The following GRID2 variants were observed in gnomAD, a reference collection of about 807,000 sequenced individuals.
GRID2 encodes glutamate receptor ionotropic, delta-2.
GRID2 carries 33 observed loss-of-function variants against 114.8 expected under a neutral mutation model. The ratio of observed to expected loss-of-function variants is 0.29; its 90% confidence interval spans 0.22 to 0.38. GRID2 has a LOEUF of 0.38. Among genes scored for constraint, GRID2 ranks in the 10% least tolerant of loss-of-function variants. The probability of loss-of-function intolerance (pLI) is 1.00; values close to 1 mark genes in which losing one functional copy is unlikely to be tolerated. For synonymous variants in GRID2, 505 were observed against 449.9 expected, an observed-to-expected ratio of 1.12 and a Z score of -1.55; for missense variants, 1,184 against 1,257.7, an observed-to-expected ratio of 0.94 and a Z score of 0.89.
chr4:92,864,194 A>AC (rs1182539050), intron 2 of GRID2, among the ~76,000 whole-genome samples: 2 of 152,346 alleles, frequency 1.3e-5, no homozygotes, highest in Non-Finnish European at 2.9e-5. Context: ...AACAAGATCA[A>AC]CACATTGAAG....
chr4:92,411,645 G>GTATATATA (rs1390740726), intron 1 of GRID2, among the ~76,000 whole-genome samples: 2 of 92,854 alleles, frequency 2.2e-5, no homozygotes, highest in Non-Finnish European at 4.4e-5. Context: ...GTGTGTGTGT[G>GTATATATA]TGTGTGTGTG....
intron 8 of GRID2, among the ~76,000 whole-genome samples, chr4:93,290,577 C>T (rs1459767404): frequency 6.6e-6 from 1 of 152,010 alleles, no homozygotes; most frequent in Non-Finnish European, 1.5e-5. Context: ...TCTATGCATG[C>T]ATTTTTATAT....
intron 1 of GRID2, among the ~76,000 whole-genome samples, chr4:92,466,364 A>G (rs954645602): frequency 2.0e-5 from 3 of 151,734 alleles, no homozygotes; most frequent in Non-Finnish European, 3.0e-5. Context: ...CTTTTTCTAT[A>G]TTTAGTCTGT....
At chr4:93,196,736 G>T (rs1388642132) in intron 4 of GRID2, among the ~76,000 whole-genome samples, 1 of 152,086 alleles carries the variant, frequency 6.6e-6, no homozygotes, top group Non-Finnish European at 1.5e-5. Context: ...TGCTTTATTG[G>T]CACAGTATCT....
chr4:92,703,426 A>G (rs879647602), intron 2 of GRID2, among the ~76,000 whole-genome samples: 29 of 152,046 alleles, frequency 1.9e-4, no homozygotes, highest in Admixed American at 4.6e-4. Context: ...AGGGCTTTAG[A>G]GAAGGTTCAG....
intron 1 of GRID2, among the ~76,000 whole-genome samples, chr4:92,401,782 T>C (rs1235287363): frequency 6.6e-6 from 1 of 152,110 alleles, no homozygotes; most frequent in East Asian, 1.9e-4. Context: ...TTGAACAGAG[T>C]AGTGGTTGCT....
At chr4:93,074,532 G>A (rs1438182127) in intron 2 of GRID2, among the ~76,000 whole-genome samples, 1 of 152,102 alleles carries the variant, frequency 6.6e-6, no homozygotes, top group African/African-American at 2.4e-5. Flanking sequence ...AGGACTAAAT[G>A]TCTATTTTAG....
intron 2 of GRID2, among the ~76,000 whole-genome samples, chr4:92,637,050 A>T (rs541982396): frequency 1.1e-4 from 17 of 151,996 alleles, no homozygotes; most frequent in Admixed American, 9.2e-4. Flanking sequence ...TTCAAATTTC[A>T]GGTAAATTTA....
chr4:93,216,794 GATTATTCGGCAGAC>G lies in GRID2; in HGVS notation c.850_863del (p.Ile284SerfsTer23). Reference sequence around the variant, plus strand: ...TAAGAAGGTCAATTGGAAGGTTAACGATTATTCGGCAGACATTTCCAGTTCCCCAGAACATAAGT... The same window carrying G: ...TAAGAAGGTCAATTGGAAGGTTAACGATTTCCAGTTCCCCAGAACATAAGT... On this transcript the variant is annotated frameshift_variant, in exon 6 of 16. Transcript: ENST00000282020. LOFTEE classifies it high-confidence loss of function. 6.2e-7 allele frequency: 1 copy of G among 1,612,458 alleles called. No individual in the cohort carries two copies. The highest frequency in any genetic ancestry group is 8.5e-7 in the Non-Finnish European group (1 of 1,178,576).
intron 2 of GRID2, among the ~76,000 whole-genome samples, chr4:93,021,403 T>A (rs935361828): frequency 4.7e-5 from 7 of 149,930 alleles, no homozygotes; most frequent in African/African-American, 1.5e-4. Context: ...GTTAATAGAG[T>A]TATTTAACAT....
At chr4:93,011,331 TG>T (rs200630729) in intron 2 of GRID2, among the ~76,000 whole-genome samples, 2,145 of 152,026 alleles carry the variant, frequency 0.014, 22 homozygotes, top group East Asian at 0.052. Context: ...ACTCATCTTT[TG>T]GGGGTTTTAG....
chr4:93,775,129 G>T (rs1254980349), downstream of GRID2, among the ~76,000 whole-genome samples: 4 of 121,950 alleles, frequency 3.3e-5, no homozygotes, highest in Admixed American at 1.0e-4. Context: ...AATGTATTTT[G>T]AAAACATAAT....
intron 4 of GRID2, among the ~76,000 whole-genome samples, chr4:93,121,690 T>C (rs1465591383): frequency 6.6e-6 from 1 of 152,140 alleles, no homozygotes; most frequent in African/African-American, 2.4e-5. Flanking sequence ...GCATAAGGCA[T>C]GTTACATATT....
At chr4:92,763,541 A>C (rs1222681457) in intron 2 of GRID2, among the ~76,000 whole-genome samples, 2 of 152,238 alleles carry the variant, frequency 1.3e-5, no homozygotes, top group South Asian at 2.1e-4. Context: ...AAGTAATCTA[A>C]AGATGATTTA....
intron 4 of GRID2, among the ~76,000 whole-genome samples, chr4:93,173,673 A>AG (rs1397749743): frequency 1.3e-5 from 2 of 152,134 alleles, no homozygotes; most frequent in African/African-American, 4.8e-5. Flanking sequence ...TCTGTTGCCC[A>AG]GGCTGGAGTG....
At chr4:93,028,139 CA>C (rs1188247712) in intron 2 of GRID2, among the ~76,000 whole-genome samples, 2 of 151,998 alleles carry the variant, frequency 1.3e-5, no homozygotes, top group Non-Finnish European at 2.9e-5. Flanking sequence ...GGCATGAGAA[CA>C]AAATGAATAA....
intron 3 of GRID2, among the ~76,000 whole-genome samples, chr4:93,106,616 C>T (rs1009552980): frequency 6.6e-6 from 1 of 152,296 alleles, no homozygotes; most frequent in Admixed American, 6.5e-5. Context: ...AGCCACTGCA[C>T]CCAGAGTACT....
At chr4:93,184,538 G>C (rs532035385) in intron 4 of GRID2, among the ~76,000 whole-genome samples, 4 of 149,000 alleles carry the variant, frequency 2.7e-5, no homozygotes, top group African/African-American at 7.5e-5. Flanking sequence ...AAACTCACAG[G>C]TACTCTTTCA....
intron 2 of GRID2, among the ~76,000 whole-genome samples, chr4:93,034,712 C>T (rs1258224156): frequency 6.6e-6 from 1 of 152,148 alleles, no homozygotes; most frequent in Admixed American, 6.6e-5. Flanking sequence ...AGGCACATAA[C>T]TCACTTTGTC....
Sources: allele counts gnomAD v4.1 joint callset (sites outside exome capture counted in the v4.1 genomes callset), GRCh38; gene constraint gnomAD v4.1.1; transcripts MANE v1.5; gene names NCBI Gene and HGNC (gene_info 2026-07-23, HGNC 2026-07-21).